Variants in OR4N2 observed in about 807,000 individuals in gnomAD.
OR4N2 encodes the protein olfactory receptor family 4 subfamily N member 2, also known as olfactory receptor 4N2.
For missense variants in OR4N2, 307 were observed against 377.6 expected, an observed-to-expected ratio of 0.81 and a Z score of 1.55; for synonymous variants, 141 against 140.4, an observed-to-expected ratio of 1.00 and a Z score of -0.03.
intron 1 of OR4N2, among the ~76,000 whole-genome samples, chr14:19,812,420 C>T (rs1051507858): frequency 2.7e-4 from 41 of 150,256 alleles, no homozygotes; most frequent in Non-Finnish European, 4.3e-4. Context: ...AACTCCACCT[C>T]CCGAGTTCAC....
intron 1 of OR4N2, among the ~76,000 whole-genome samples, chr14:19,825,813 C>T (rs1032580105): frequency 5.3e-5 from 8 of 152,188 alleles, no homozygotes; most frequent in African/African-American, 1.9e-4. Context: ...CCACCTAGGC[C>T]TCCCAAAGTG....
At chr14:19,821,026 A>G (rs1459031889) in intron 1 of OR4N2, among the ~76,000 whole-genome samples, 1 of 152,254 alleles carries the variant, frequency 6.6e-6, no homozygotes, top group Non-Finnish European at 1.5e-5. Context: ...ATGGCTGCCT[A>G]GTTTTGTGCT....
chr14:19,807,894 G>A (rs1400109424), intron 1 of OR4N2, among the ~76,000 whole-genome samples: 1 of 152,188 alleles, frequency 6.6e-6, no homozygotes, highest in Non-Finnish European at 1.5e-5. Flanking sequence ...CTGTGATCAA[G>A]TAGGTACTAT....
rs780697890 is a variant in OR4N2, at chr14:19,827,833, C to T, written c.385C>T (p.Pro129Ser). The change falls in exon 2 of 2, where the codon CCT becomes TCT. Residue 129 changes from proline to serine, a missense_variant. Transcript: ENST00000557677. ...TGACCGCTACATCGCCATCTGCCGGCCTCTGCACTATCCTACTGTCATGAA... is the reference window on the plus strand; with the variant it reads ...TGACCGCTACATCGCCATCTGCCGGTCTCTGCACTATCCTACTGTCATGAA... ...AFDRYIAICR[P>S]LHYPTVMNPR... The T allele has an allele frequency of 1.3e-5, 21 of 1,614,118 alleles. No homozygotes were observed. Among genetic ancestry groups the T allele is most frequent in the Non-Finnish European group, 1.8e-5 (21 of 1,180,040 alleles).
chr14:19,806,333 C>T lies in OR4N2; in HGVS notation c.-10+2489C>T, dbSNP rs879359311. 6.7e-3 allele frequency among the ~76,000 whole-genome samples: 1,016 copies of T among 151,876 alleles called. 4 individuals carry two copies. Among genetic ancestry groups the T allele is most frequent in the Non-Finnish European group, 0.012 (793 of 67,678 alleles). ...TGTCTGTTGTCTTGAAGAGACCAAT[C>T]TATATGTAATGAAACCCACAGGGTC... On this transcript the variant is annotated intron_variant, in intron 1 of 1. Transcript: ENST00000557677.
chr14:19,822,460 G>A (rs1594400737), intron 1 of OR4N2: 1 of 152,234 alleles, frequency 6.6e-6, no homozygotes, highest in South Asian at 2.1e-4. Context: ...AGGTATGAAA[G>A]TTTCTTCTGT....
chr14:19,820,190 T>C (rs1368860058), intron 1 of OR4N2, among the ~76,000 whole-genome samples: 2 of 152,394 alleles, frequency 1.3e-5, no homozygotes, highest in Middle Eastern at 3.4e-3. Flanking sequence ...GGAGGCAGTC[T>C]GTCCCTTAGC....
intron 1 of OR4N2, among the ~76,000 whole-genome samples, chr14:19,821,177 G>C (rs1254229225): frequency 6.6e-6 from 1 of 152,236 alleles, no homozygotes; most frequent in African/African-American, 2.4e-5. Flanking sequence ...CCCTTGGCTG[G>C]GGAGGGAGTT....
intron 1 of OR4N2, among the ~76,000 whole-genome samples, chr14:19,806,350 C>T (rs1879164508): frequency 6.7e-6 from 1 of 149,700 alleles, no homozygotes. Flanking sequence ...TAATGAAACC[C>T]ACAGGGTCAA....
intron 1 of OR4N2, among the ~76,000 whole-genome samples, chr14:19,807,482 A>C (rs993932020): frequency 1.3e-5 from 2 of 152,134 alleles, no homozygotes; most frequent in African/African-American, 2.4e-5. Context: ...AAAATCTAGA[A>C]GAAATGGATA....
At chr14:19,819,418 G>A (rs1220014761) in intron 1 of OR4N2, among the ~76,000 whole-genome samples, 5 of 152,138 alleles carry the variant, frequency 3.3e-5, no homozygotes, top group Non-Finnish European at 4.4e-5. Context: ...TTGTCGTCAC[G>A]CTTTATTTCA....
intron 1 of OR4N2, among the ~76,000 whole-genome samples, chr14:19,808,793 T>A: frequency 6.6e-6 from 1 of 150,498 alleles, no homozygotes; most frequent in Non-Finnish European, 1.5e-5. Context: ...CACATGAACA[T>A]ATGCACCTAC....
intron 1 of OR4N2, among the ~76,000 whole-genome samples, chr14:19,826,247 T>G (rs1203218042): frequency 6.6e-6 from 1 of 152,268 alleles, no homozygotes; most frequent in Non-Finnish European, 1.5e-5. Context: ...TGAATTTTCT[T>G]CACAATGCAC....
chr14:19,819,601 G>T (rs1020470766), intron 1 of OR4N2, among the ~76,000 whole-genome samples: 7 of 152,284 alleles, frequency 4.6e-5, no homozygotes, highest in South Asian at 2.1e-4. Flanking sequence ...CTTTTTCAAG[G>T]TTCTTAGCTT....
At chr14:19,823,019 G>A (rs1300251385) in intron 1 of OR4N2, among the ~76,000 whole-genome samples, 1 of 152,194 alleles carries the variant, frequency 6.6e-6, no homozygotes, top group African/African-American at 2.4e-5. Flanking sequence ...CATTTAATCT[G>A]GCCATCTCAT....
chr14:19,819,570 C>G (rs1287856739), intron 1 of OR4N2, among the ~76,000 whole-genome samples: 1 of 152,238 alleles, frequency 6.6e-6, no homozygotes, highest in Non-Finnish European at 1.5e-5. Flanking sequence ...AGTGGTTATT[C>G]TAGTTATCAA....
At chr14:19,824,265 A>G (rs1879637908) in intron 1 of OR4N2, among the ~76,000 whole-genome samples, 1 of 152,224 alleles carries the variant, frequency 6.6e-6, no homozygotes, top group Admixed American at 6.5e-5. Context: ...CGTCTATTCC[A>G]ACCACCATTT....
chr14:19,809,513 C>A (rs1306713918), intron 1 of OR4N2, among the ~76,000 whole-genome samples: 1 of 152,074 alleles, frequency 6.6e-6, no homozygotes, highest in African/African-American at 2.4e-5. Context: ...AACAAACGAA[C>A]AAAAAATCCA....
intron 1 of OR4N2, among the ~76,000 whole-genome samples, chr14:19,810,601 A>G (rs1489061030): frequency 6.6e-6 from 1 of 152,278 alleles, no homozygotes; most frequent in Non-Finnish European, 1.5e-5. Context: ...CTGTATAAAG[A>G]AAATGTGGTA....
Sources: allele counts gnomAD v4.1 joint callset (sites outside exome capture counted in the v4.1 genomes callset), GRCh38; gene constraint gnomAD v4.1.1; transcripts MANE v1.5; gene names NCBI Gene and HGNC (gene_info 2026-07-23, HGNC 2026-07-21).